The following PTPRD variants were observed in gnomAD, a reference collection of about 807,000 sequenced individuals.
The protein encoded by PTPRD is receptor-type tyrosine-protein phosphatase delta.
In PTPRD, 34 loss-of-function variants were observed where a neutral mutation model predicts 214.5. That is an observed-to-expected ratio of 0.16 (90% confidence interval 0.12 to 0.21). The LOEUF (loss-of-function observed/expected upper bound fraction) is 0.21. Ranked by LOEUF, PTPRD falls within the 10% of genes least tolerant of loss-of-function variation. The pLI is 1.00. For synonymous variants in PTPRD, 1,128 were observed against 845.7 expected (o/e 1.33, Z -5.79); for missense variants, 2,545 against 2,398.7 (o/e 1.06, Z -1.27).
intron 8 of PTPRD, among the ~76,000 whole-genome samples, chr9:9,443,283 G>A (rs942390283): frequency 6.6e-6 from 1 of 152,064 alleles, no homozygotes; most frequent in African/African-American, 2.4e-5. Context: ...AGGATCCCAA[G>A]GGTCAACTAA....
chr9:9,554,406 ATT>A (rs80342062), intron 8 of PTPRD, among the ~76,000 whole-genome samples: 3,879 of 148,658 alleles, frequency 0.026, 86 homozygotes, highest in Non-Finnish European at 0.036. Flanking sequence ...GTCCTGTTTT[ATT>A]TTTTTTTTTC....
intron 7 of PTPRD, among the ~76,000 whole-genome samples, chr9:9,684,621 A>T (rs972196313): frequency 1.3e-5 from 2 of 151,670 alleles, no homozygotes; most frequent in Non-Finnish European, 3.0e-5. Context: ...CACTAAATAC[A>T]TAAAAGGCCT....
At chr9:8,338,724 G>A (rs1356717869) in intron 43 of PTPRD, among the ~76,000 whole-genome samples, 198 bp downstream of exon 43, 3 of 151,936 alleles carry the variant, frequency 2.0e-5, no homozygotes, top group Non-Finnish European at 2.9e-5. Context: ...GCCAAACTAA[G>A]GTTTGTGAGA....
At chr9:9,189,547 T>C (rs2099933827) in intron 9 of PTPRD, among the ~76,000 whole-genome samples, 1 of 152,126 alleles carries the variant, frequency 6.6e-6, no homozygotes, top group African/African-American at 2.4e-5. Context: ...TAAATCCATA[T>C]GAGATGCTTC....
intron 5 of PTPRD, among the ~76,000 whole-genome samples, chr9:9,864,313 A>T (rs1753955792): frequency 6.7e-6 from 1 of 150,366 alleles, no homozygotes; most frequent in South Asian, 2.1e-4. Context: ...CTTAAGAAAA[A>T]GAAAAAGAGA....
intron 8 of PTPRD, among the ~76,000 whole-genome samples, chr9:9,441,851 T>A (rs4335174): frequency 0.39 from 59,538 of 152,112 alleles, 11,741 homozygotes; most frequent in Admixed American, 0.44. Flanking sequence ...TTGTTATAAG[T>A]GATAAAATTG....
chr9:8,835,704 T>G (rs1331988763), intron 11 of PTPRD, among the ~76,000 whole-genome samples: 1 of 152,110 alleles, frequency 6.6e-6, no homozygotes, highest in African/African-American at 2.4e-5. Context: ...AATTTATTTT[T>G]ACTTTTATTT....
intron 9 of PTPRD, among the ~76,000 whole-genome samples, chr9:9,287,998 C>T (rs1950046822): frequency 6.6e-6 from 1 of 151,634 alleles, no homozygotes. Flanking sequence ...CAAAGTGAGG[C>T]TGCCTAGTAG....
intron 12 of PTPRD, among the ~76,000 whole-genome samples, chr9:8,656,602 T>G (rs181307748): frequency 2.2e-4 from 34 of 152,342 alleles, no homozygotes; most frequent in African/African-American, 2.6e-4. Context: ...CCCAAGCATT[T>G]GAAGGCCACT....
intron 14 of PTPRD, among the ~76,000 whole-genome samples, chr9:8,580,388 T>G (rs2092944796): frequency 1.3e-5 from 2 of 152,358 alleles, no homozygotes; most frequent in Middle Eastern, 3.4e-3. Flanking sequence ...GGAGTGACGA[T>G]AGCAATTAAG....
chr9:10,184,563 T>G (rs968132528), intron 3 of PTPRD, among the ~76,000 whole-genome samples: 1 of 152,222 alleles, frequency 6.6e-6, no homozygotes, highest in Non-Finnish European at 1.5e-5. Flanking sequence ...ATGTGTTTGG[T>G]AAACGTTTGT....
At chr9:9,972,502 T>C (rs930913965) in intron 4 of PTPRD, among the ~76,000 whole-genome samples, 1 of 152,186 alleles carries the variant, frequency 6.6e-6, no homozygotes, top group Non-Finnish European at 1.5e-5. Context: ...ATTATAGAAA[T>C]TACTTGAGTG....
At chr9:10,600,576 C>A (rs2077714694) in intron 2 of PTPRD, among the ~76,000 whole-genome samples, 1 of 151,606 alleles carries the variant, frequency 6.6e-6, no homozygotes, top group South Asian at 2.1e-4. Context: ...GGATGGTGAG[C>A]CAAAGGTAGC....
At chr9:9,303,408 T>G (rs1956133816) in intron 9 of PTPRD, among the ~76,000 whole-genome samples, 1 of 152,046 alleles carries the variant, frequency 6.6e-6, no homozygotes. Context: ...GTAGATTACA[T>G]GCATGTTACA....
chr9:8,460,049 T>C (rs1433037706), intron 33 of PTPRD, among the ~76,000 whole-genome samples: 5 of 152,110 alleles, frequency 3.3e-5, no homozygotes, highest in Admixed American at 3.3e-4. Flanking sequence ...CACACTGAAA[T>C]CGAGCAATTA....
chr9:8,439,141 T>C (rs1013030736), intron 34 of PTPRD, among the ~76,000 whole-genome samples: 1 of 152,178 alleles, frequency 6.6e-6, no homozygotes, highest in African/African-American at 2.4e-5. Flanking sequence ...CAGATGGATG[T>C]TTCACAGAAA....
intron 5 of PTPRD, among the ~76,000 whole-genome samples, chr9:9,870,821 A>C (rs1016203086): frequency 1.3e-5 from 2 of 152,098 alleles, no homozygotes; most frequent in Non-Finnish European, 2.9e-5. Flanking sequence ...GGTAGGATAG[A>C]CACTTAGTGT....
At chr9:9,269,015 C>T (rs1941564223) in intron 9 of PTPRD, among the ~76,000 whole-genome samples, 1 of 149,532 alleles carries the variant, frequency 6.7e-6, no homozygotes. Flanking sequence ...CAACTGGAAA[C>T]ACATCAAGCT....
chr9:10,593,915 C>A (rs889821889), intron 2 of PTPRD, among the ~76,000 whole-genome samples: 6 of 151,894 alleles, frequency 4.0e-5, no homozygotes, highest in African/African-American at 1.4e-4. Flanking sequence ...TCTTTTCATA[C>A]AAAGCTTTTC....
Sources: gnomAD v4.1 joint callset for allele counts (sites outside exome capture counted in the v4.1 genomes callset) on GRCh38, gnomAD v4.1.1 for gene constraint, MANE v1.5 for transcripts, NCBI Gene and HGNC (gene_info 2026-07-23, HGNC 2026-07-21) for gene names.